Variants in PARD3 observed in about 807,000 individuals in gnomAD.
PARD3 encodes par-3 family cell polarity regulator.
A neutral mutation model predicts 155.4 loss-of-function variants in PARD3; 75 were observed. The observed-to-expected ratio is 0.48, with a 90% CI of 0.40 to 0.58. The LOEUF is 0.58. Among genes scored for constraint, PARD3 ranks in the 20% least tolerant of loss-of-function variants. The pLI is 0.00. For synonymous variants in PARD3, 576 were observed against 610.5 expected, an observed-to-expected ratio of 0.94 and a Z score of 0.83; for missense variants, 1,642 against 1,721.7, an observed-to-expected ratio of 0.95 and a Z score of 0.82.
rs115179434 is a variant in PARD3, at chr10:34,582,569, G to A, written c.223-65410C>T. On this transcript the variant is annotated intron_variant, in intron 2 of 24. Coordinates refer to ENST00000374788, the MANE Select transcript of PARD3 (RefSeq NM_001184785.2). The stretch of plus-strand genomic sequence containing the variant: ...CCTCTTATATATATCTCCACATAAA[G>A]AATAATTGGTCACAAAATCATAACC... Among the ~76,000 whole-genome samples, 358 of 152,246 alleles carry A rather than the reference G, an allele frequency of 2.4e-3. 3 individuals are homozygous for A. The highest frequency in any genetic ancestry group is 8.0e-3 in the African/African-American group (334 of 41,536).
chr10:34,414,611 T>C (rs10827365), intron 5 of PARD3, among the ~76,000 whole-genome samples: 37,256 of 149,818 alleles, frequency 0.25, 5,651 homozygotes, highest in East Asian at 0.45. Flanking sequence ...AGCCCAGGAG[T>C]TCAAGACCAG....
chr10:34,547,077 G>C (rs969703126), intron 2 of PARD3, among the ~76,000 whole-genome samples: 6 of 152,088 alleles, frequency 3.9e-5, no homozygotes, highest in Admixed American at 3.9e-4. Flanking sequence ...AGACCACAAC[G>C]GCTGATGAAA....
intron 5 of PARD3, among the ~76,000 whole-genome samples, chr10:34,414,810 A>C (rs1845501762): frequency 6.7e-6 from 1 of 149,802 alleles, no homozygotes; most frequent in Admixed American, 6.8e-5. Context: ...TATAAGTATT[A>C]TATATTTAGA....
At chr10:34,511,394 A>G (rs1301415592) in intron 3 of PARD3, among the ~76,000 whole-genome samples, 2 of 152,116 alleles carry the variant, frequency 1.3e-5, no homozygotes, top group African/African-American at 4.8e-5. Flanking sequence ...AGTACCTGAC[A>G]CTGGTAATTT....
intron 2 of PARD3, among the ~76,000 whole-genome samples, chr10:34,659,438 T>G (rs1366201171): frequency 6.6e-6 from 1 of 152,180 alleles, no homozygotes; most frequent in Admixed American, 6.5e-5. Context: ...GTTTCATTGC[T>G]TCACTTTTTT....
chr10:34,140,723 T>C (rs531869222), intron 22 of PARD3, among the ~76,000 whole-genome samples: 1 of 152,348 alleles, frequency 6.6e-6, no homozygotes, highest in South Asian at 2.1e-4. Context: ...GCAAGTATCT[T>C]GGGGTTTTAC....
At chr10:34,342,439 G>C (rs913002219) in intron 15 of PARD3, among the ~76,000 whole-genome samples, 2 of 152,152 alleles carry the variant, frequency 1.3e-5, no homozygotes, top group Non-Finnish European at 2.9e-5. Context: ...TGGTCAATAT[G>C]ATCTTTTCTG....
At chr10:34,683,651 C>T (rs1184696519) in intron 2 of PARD3, among the ~76,000 whole-genome samples, 1 of 151,790 alleles carries the variant, frequency 6.6e-6, no homozygotes, top group African/African-American at 2.4e-5. Context: ...TCCCCTGACT[C>T]ACTGGGTGGC....
chr10:34,682,833 G>A (rs1402137220), intron 2 of PARD3, among the ~76,000 whole-genome samples: 1 of 152,168 alleles, frequency 6.6e-6, no homozygotes, highest in Non-Finnish European at 1.5e-5. Flanking sequence ...TTGCATCACT[G>A]CACTCCAGCC....
At chr10:34,450,270 A>G (rs201673054) in intron 5 of PARD3, 47 bp downstream of exon 5, 42 of 1,569,466 alleles carry the variant, frequency 2.7e-5, no homozygotes, top group Non-Finnish European at 3.5e-5. Flanking sequence ...GGGGTATGGG[A>G]CAGGATGTTA....
At position 34,376,744 on chromosome 10, in the gene PARD3, A is replaced by C. The variant is rs1841289861; in HGVS notation, c.1539+1223T>G. 2.6e-5 allele frequency among the ~76,000 whole-genome samples: 4 copies of C among 152,158 alleles called. No individual in the cohort carries two copies. In the South Asian group the frequency reaches 8.3e-4, roughly 31 times the overall value. ...CCCTCTCCTCCCCTACTTTACAAAA[A>C]TTCTTTAGGAGAACTCAATCTGGAG... On this transcript the variant is annotated intron_variant, in intron 10 of 24. Coordinates refer to ENST00000374788, the MANE Select transcript of PARD3 (RefSeq NM_001184785.2).
chr10:34,227,883 T>TATATAC (rs1491222875), intron 22 of PARD3, among the ~76,000 whole-genome samples: 2 of 130,458 alleles, frequency 1.5e-5, no homozygotes, highest in African/African-American at 5.8e-5. Context: ...TATATATATA[T>TATATAC]ACTGGGAATA....
chr10:34,375,913 A>C (rs1055484143), intron 10 of PARD3, among the ~76,000 whole-genome samples: 3 of 152,232 alleles, frequency 2.0e-5, no homozygotes, highest in African/African-American at 4.8e-5. Flanking sequence ...GACTGAATTC[A>C]AGTTCCAGTG....
At chr10:34,771,744 C>T (rs1838893052) in intron 1 of PARD3, among the ~76,000 whole-genome samples, 1 of 152,150 alleles carries the variant, frequency 6.6e-6, no homozygotes, top group South Asian at 2.1e-4. Context: ...GGCTGGTATA[C>T]AGAAAAGAAC....
chr10:34,694,301 C>T (rs1000574545), intron 2 of PARD3, among the ~76,000 whole-genome samples: 2 of 151,928 alleles, frequency 1.3e-5, no homozygotes, highest in African/African-American at 2.4e-5. Context: ...TCTGTAGTTG[C>T]CTTGAGTGTT....
intron 1 of PARD3, among the ~76,000 whole-genome samples, chr10:34,746,056 C>T (rs1359091610): frequency 6.6e-6 from 1 of 152,036 alleles, no homozygotes; most frequent in Non-Finnish European, 1.5e-5. Context: ...GAGCCTAGAT[C>T]GCACCGCTGC....
chr10:34,259,911 A>G (rs1954866861), intron 22 of PARD3, among the ~76,000 whole-genome samples: 1 of 152,190 alleles, frequency 6.6e-6, no homozygotes, highest in Non-Finnish European at 1.5e-5. Flanking sequence ...TACAACAACC[A>G]TAGCTCACTG....
chr10:34,377,591 T>TA (rs984084933), intron 10 of PARD3, among the ~76,000 whole-genome samples: 23 of 150,032 alleles, frequency 1.5e-4, no homozygotes, highest in African/African-American at 4.9e-4. Flanking sequence ...CTCCATCTCA[T>TA]AAAAAAAAAT....
chr10:34,547,233 A>T (rs2084153492), intron 2 of PARD3, among the ~76,000 whole-genome samples: 1 of 152,254 alleles, frequency 6.6e-6, no homozygotes, highest in Non-Finnish European at 1.5e-5. Context: ...TACAAGAGGA[A>T]ATACTTAAAA....
Sources: allele counts gnomAD v4.1 joint callset (sites outside exome capture counted in the v4.1 genomes callset), GRCh38; gene constraint gnomAD v4.1.1; transcripts MANE v1.5; gene names NCBI Gene and HGNC (gene_info 2026-07-23, HGNC 2026-07-21).